The following TRPM3 variants were observed in gnomAD, a reference collection of about 807,000 sequenced individuals.
The protein encoded by TRPM3 is long transient receptor potential channel 3.
In TRPM3, 77 loss-of-function variants were observed where a neutral mutation model predicts 181.2. The ratio of observed to expected loss-of-function variants is 0.42; its 90% CI spans 0.35 to 0.51. TRPM3 has a LOEUF of 0.51. Ranked by LOEUF, TRPM3 falls within the 20% of genes least tolerant of loss-of-function variation. TRPM3 has a pLI of 0.01. For synonymous variants in TRPM3, 745 were observed against 796.4 expected, an observed-to-expected ratio of 0.94 and a Z score of 1.09; for missense variants, 1,759 against 2,196.7, an observed-to-expected ratio of 0.80 and a Z score of 3.98.
rs1244377790 is a variant in TRPM3, at chr9:70,969,771, TATATATATAC to T, written c.178-105270_178-105261del. 9.1e-5 allele frequency among the ~76,000 whole-genome samples: 10 copies of T among 109,918 alleles called. 1 individual carries two copies. The highest frequency in any genetic ancestry group is 5.8e-4 in the South Asian group (2 of 3,434). 72.1% of individuals were successfully genotyped at this position (109,918 alleles called of 152,430 possible). On this transcript the variant is annotated intron_variant, in intron 1 of 25. Coordinates refer to ENST00000677713, the MANE Select transcript of TRPM3 (RefSeq NM_001366145.2). ...CTGAATGATTTTATATATATATATA[TATATATATAC>T]ACACACACACTAAGAAATTATATAA...
intron 7 of TRPM3, among the ~76,000 whole-genome samples, chr9:70,772,392 A>T (rs528392240): frequency 6.6e-6 from 1 of 151,184 alleles, no homozygotes; most frequent in South Asian, 2.1e-4. Flanking sequence ...ATCACAGCTC[A>T]TTGCAGCATC....
chr9:71,257,971 A>T lies in TRPM3; in HGVS notation c.183+188682T>A, dbSNP rs570816167. ...ATTACGTGTTAAATTGCATTGTGAG[A>T]TGATTTTCTTGTACTCATTCAGTAA... On this transcript the variant is annotated intron_variant, in intron 1 of 24. Transcript: ENST00000357533. Among the ~76,000 whole-genome samples, 5 of 152,308 alleles carry T rather than the reference A, an allele frequency of 3.3e-5. No individual in the cohort carries two copies. The South Asian group carries it at 1.0e-3, about 32-fold the overall frequency.
At chr9:70,777,969 T>C (rs1051463012) in intron 7 of TRPM3, among the ~76,000 whole-genome samples, 17 of 144,220 alleles carry the variant, frequency 1.2e-4, no homozygotes, top group South Asian at 2.2e-4. Context: ...ATTTTATTAG[T>C]GTATATAAAT....
chr9:71,173,778 T>C (rs1042122596), intron 1 of TRPM3, among the ~76,000 whole-genome samples: 10 of 152,236 alleles, frequency 6.6e-5, no homozygotes, highest in Admixed American at 6.5e-4. Context: ...TTGAATCAAC[T>C]TTTAATTTGT....
intron 3 of TRPM3, among the ~76,000 whole-genome samples, chr9:70,848,616 A>T (rs1187857976): frequency 6.6e-6 from 1 of 152,240 alleles, no homozygotes; most frequent in Admixed American, 6.5e-5. Context: ...AAGAATAGTC[A>T]TTAGACTGAA....
rs750637892 is a variant in TRPM3, at chr9:70,536,604, C to G, written c.4509G>C (p.Pro1503=). The stretch of plus-strand genomic sequence containing the variant: ...TGGAACGCTCAATGGTGTGGTACAT[C>G]GGAGGCTCTGAGTCCCAGGGGTTTT... ...ECQNPWDSEP[P]MYHTIERSKS... The change falls in exon 26 of 26, where the codon CCG becomes CCC. Residue 1503 remains proline (P), a synonymous_variant. Coordinates refer to ENST00000677713, the MANE Select transcript of TRPM3 (RefSeq NM_001366145.2). 1 of 1,613,978 alleles carries G rather than the reference C, an allele frequency of 6.2e-7. No individual in the cohort carries two copies. Among genetic ancestry groups the G allele is most frequent in the Non-Finnish European group, 8.5e-7 (1 of 1,179,974 alleles).
chr9:71,369,981 G>T (rs115733623), intron 1 of TRPM3, among the ~76,000 whole-genome samples: 2,123 of 152,168 alleles, frequency 0.014, 52 homozygotes, highest in African/African-American at 0.049. Context: ...TATCATATCT[G>T]TTATGGTGAT....
At chr9:71,262,580 A>G (rs1205414921) in intron 1 of TRPM3, among the ~76,000 whole-genome samples, 2 of 152,192 alleles carry the variant, frequency 1.3e-5, no homozygotes, top group African/African-American at 4.8e-5. Context: ...AACAAAAAAC[A>G]AAACAAAACT....
At position 70,843,129 on chromosome 9, in the gene TRPM3, T is replaced by TAA. The variant is rs3833697; in HGVS notation, c.677-4_677-3dup. Reference sequence around the variant, plus strand: ...CATCGCCAACATGACGAATAACACCTAAAAAAAAAAGAGAAGCATTGATTT... The same window carrying TAA: ...CATCGCCAACATGACGAATAACACCTAAAAAAAAAAAAGAGAAGCATTGATTT... On this transcript the variant is annotated splice_region_variant and splice_polypyrimidine_tract_variant and intron_variant, in intron 4 of 25. Coordinates refer to ENST00000677713, the MANE Select transcript of TRPM3 (RefSeq NM_001366145.2). 23,449 of 1,280,644 alleles carry TAA rather than the reference T, an allele frequency of 0.018. 58 individuals are homozygous for TAA. Among genetic ancestry groups the TAA allele is most frequent in the African/African-American group, 0.056 (3,660 of 65,568 alleles). The allele number at this position is 1,280,644 out of a possible 1,614,324, so 79.3% of individuals were successfully genotyped here. A position where few individuals can be genotyped will look rare whatever the true frequency, so the allele number is the denominator to read the frequency against.
intron 6 of TRPM3, among the ~76,000 whole-genome samples, chr9:70,794,976 T>A (rs1376900178): frequency 1.3e-5 from 2 of 152,216 alleles, no homozygotes; most frequent in Non-Finnish European, 1.5e-5. Context: ...ACTGAATACA[T>A]ACAGACATTT....
intron 22 of TRPM3, among the ~76,000 whole-genome samples, chr9:70,563,933 C>T (rs1356608905): frequency 1.3e-5 from 2 of 152,154 alleles, no homozygotes; most frequent in Non-Finnish European, 2.9e-5. Flanking sequence ...CTCTTAGGCA[C>T]TTACAGTCAG....
intron 1 of TRPM3, among the ~76,000 whole-genome samples, chr9:71,012,515 C>T (rs1449858518): frequency 2.0e-5 from 3 of 151,580 alleles, no homozygotes; most frequent in African/African-American, 4.8e-5. Context: ...ACTTTACAGC[C>T]AACTTGTTTA....
chr9:70,578,730 A>T (rs1397215020), intron 22 of TRPM3, among the ~76,000 whole-genome samples: 1 of 152,230 alleles, frequency 6.6e-6, no homozygotes, highest in Non-Finnish European at 1.5e-5. Context: ...ACTTCTTACA[A>T]GTTGAGGCAA....
At position 71,026,704 on chromosome 9, in the gene TRPM3, C is replaced by T. The variant is rs535685242; in HGVS notation, c.177+94474G>A. ...CTCCAGTGCTCTGCCCCTGTGCTGA[C>T]GCTGACACCGGTGCAAAGAAAACAG... On this transcript the variant is annotated intron_variant, in intron 1 of 25. Transcript: ENST00000677713. Among the ~76,000 whole-genome samples, 36 of 152,286 alleles carry T rather than the reference C, an allele frequency of 2.4e-4. 1 individual carries two copies. In the South Asian group the frequency reaches 4.3e-3, roughly 18 times the overall value.
At chr9:71,069,459 G>T (rs983077306) in intron 1 of TRPM3, among the ~76,000 whole-genome samples, 2 of 152,128 alleles carry the variant, frequency 1.3e-5, no homozygotes, top group South Asian at 4.1e-4. Context: ...TTACAGGCGT[G>T]AGCCACCGTG....
chr9:70,884,783 TG>T (rs1409775393), intron 1 of TRPM3, among the ~76,000 whole-genome samples: 1 of 152,146 alleles, frequency 6.6e-6, no homozygotes, highest in African/African-American at 2.4e-5. Context: ...AGCATACCAA[TG>T]TATTAGAAAA....
intron 1 of TRPM3, among the ~76,000 whole-genome samples, chr9:71,145,438 GA>G (rs1444136568): frequency 6.6e-6 from 1 of 152,092 alleles, no homozygotes; most frequent in Non-Finnish European, 1.5e-5. Context: ...AAAACTCTGA[GA>G]GAATGCAGAA....
chr9:71,063,300 G>C (rs1337787287), intron 1 of TRPM3, among the ~76,000 whole-genome samples: 2 of 152,112 alleles, frequency 1.3e-5, no homozygotes, highest in Non-Finnish European at 2.9e-5. Context: ...CAATAGCTTA[G>C]CTGAGTACAG....
chr9:71,034,229 T>C (rs2057899211), intron 1 of TRPM3, among the ~76,000 whole-genome samples: 1 of 152,142 alleles, frequency 6.6e-6, no homozygotes, highest in Non-Finnish European at 1.5e-5. Context: ...ATAGTAGAGA[T>C]CCAGGCAGTA....
Sources: allele counts gnomAD v4.1 joint callset (sites outside exome capture counted in the v4.1 genomes callset), GRCh38; gene constraint gnomAD v4.1.1; transcripts MANE v1.5; gene names NCBI Gene and HGNC (gene_info 2026-07-23, HGNC 2026-07-21).